Variants in EHBP1 observed in about 807,000 individuals in gnomAD.
The protein encoded by EHBP1 is EH domain binding protein 1, also known as EH domain-binding protein 1.
In EHBP1, 55 loss-of-function variants were observed where a neutral mutation model predicts 144.0. The observed-to-expected ratio is 0.38, with a 90% CI of 0.31 to 0.48. The LOEUF (loss-of-function observed/expected upper bound fraction) is 0.48, where lower values mean the gene tolerates loss of function less well. EHBP1 is among the 20% of genes least tolerant of loss of function. The pLI is 0.98. For missense variants in EHBP1, 1,200 were observed against 1,364.2 expected (o/e 0.88, Z 1.90); for synonymous variants, 469 against 472.7 (o/e 0.99, Z 0.10).
intron 2 of EHBP1, among the ~76,000 whole-genome samples, chr2:62,727,453 TAGC>T (rs1321155986): frequency 6.6e-6 from 1 of 152,170 alleles, no homozygotes; most frequent in Non-Finnish European, 1.5e-5. Flanking sequence ...CCGTACCTGT[TAGC>T]AGTCACTCCG....
intron 10 of EHBP1, among the ~76,000 whole-genome samples, chr2:62,897,830 T>C (rs949205679): frequency 3.3e-5 from 5 of 152,226 alleles, no homozygotes; most frequent in African/African-American, 1.2e-4. Flanking sequence ...TCCTGTTTCC[T>C]ATAAACTACC....
intron 5 of EHBP1, among the ~76,000 whole-genome samples, chr2:62,811,667 T>C (rs759010523): frequency 5.9e-5 from 9 of 152,138 alleles, no homozygotes; most frequent in Non-Finnish European, 1.0e-4. Flanking sequence ...CACAAACAAA[T>C]TTTATAACTG....
chr2:62,902,441 A>G (rs2053484844), intron 10 of EHBP1, among the ~76,000 whole-genome samples: 1 of 152,188 alleles, frequency 6.6e-6, no homozygotes, highest in African/African-American at 2.4e-5. Flanking sequence ...TTGTGATGAA[A>G]TTACCTTGCA....
rs1012104174 is a variant in EHBP1, at chr2:62,895,935, A to G, written c.1185+21403A>G. Reference sequence around the variant, plus strand: ...CAAAAAATATTGAGTACTGAACTGTATGCTTAACAATGGTTAAATTAGTAA... The same window carrying G: ...CAAAAAATATTGAGTACTGAACTGTGTGCTTAACAATGGTTAAATTAGTAA... On this transcript the variant is annotated intron_variant, in intron 10 of 22. Transcript: ENST00000431489. Among the ~76,000 whole-genome samples the G allele has an allele frequency of 9.9e-5, 15 of 152,196 alleles. 1 individual carries two copies. Among genetic ancestry groups the G allele is most frequent in the South Asian group, 4.1e-4 (2 of 4,832 alleles).
intron 19 of EHBP1, among the ~76,000 whole-genome samples, chr2:63,030,939 G>T (rs977943505): frequency 2.0e-5 from 3 of 151,668 alleles, no homozygotes; most frequent in East Asian, 3.9e-4. Flanking sequence ...GGGATCACAG[G>T]CATGCGCCAC....
intron 5 of EHBP1, among the ~76,000 whole-genome samples, chr2:62,781,248 C>T (rs1437263817): frequency 1.3e-5 from 2 of 151,870 alleles, no homozygotes; most frequent in African/African-American, 4.8e-5. Context: ...TAAATTGAAA[C>T]CCTAAAAAGT....
chr2:62,884,878 G>A (rs1031116349), intron 10 of EHBP1, among the ~76,000 whole-genome samples: 1 of 152,078 alleles, frequency 6.6e-6, no homozygotes, highest in Non-Finnish European at 1.5e-5. Context: ...TTCTATTTAA[G>A]GAAGCAGGAA....
At chr2:62,942,448 T>A (rs2056814586) in intron 10 of EHBP1, among the ~76,000 whole-genome samples, 1 of 152,228 alleles carries the variant, frequency 6.6e-6, no homozygotes, top group African/African-American at 2.4e-5. Flanking sequence ...TAACGTGATG[T>A]TTCCATCAGC....
intron 2 of EHBP1, among the ~76,000 whole-genome samples, chr2:62,741,320 G>A (rs1010419277): frequency 1.3e-5 from 2 of 152,150 alleles, no homozygotes; most frequent in Non-Finnish European, 2.9e-5. Flanking sequence ...AACGCCTCTC[G>A]TGATTAACAC....
chr2:63,037,960 AT>A (rs1175005712), intron 20 of EHBP1, among the ~76,000 whole-genome samples: 2 of 152,254 alleles, frequency 1.3e-5, no homozygotes, highest in Admixed American at 1.3e-4. Flanking sequence ...ATTAAAGTTT[AT>A]TTAACAACAA....
chr2:62,882,146 A>G (rs192281834), intron 10 of EHBP1, among the ~76,000 whole-genome samples: 1 of 152,264 alleles, frequency 6.6e-6, no homozygotes, highest in Non-Finnish European at 1.5e-5. Flanking sequence ...GAAATAGTTC[A>G]TTTTATTTGT....
At chr2:63,018,125 C>T (rs933180554) in intron 19 of EHBP1, among the ~76,000 whole-genome samples, 4 of 152,102 alleles carry the variant, frequency 2.6e-5, no homozygotes, top group African/African-American at 9.7e-5. Context: ...TGATTGCACT[C>T]CAGCCTGAGC....
intron 7 of EHBP1, among the ~76,000 whole-genome samples, chr2:62,834,977 A>G (rs1263594708): frequency 6.6e-6 from 1 of 152,350 alleles, no homozygotes; most frequent in Non-Finnish European, 1.5e-5. Context: ...TTTTAAAGAC[A>G]GAAAACTTCA....
intron 13 of EHBP1, among the ~76,000 whole-genome samples, chr2:62,950,014 G>A (rs992960548): frequency 6.6e-6 from 1 of 152,096 alleles, no homozygotes; most frequent in African/African-American, 2.4e-5. Context: ...TAACACTCGT[G>A]TATATATAAG....
intron 10 of EHBP1, among the ~76,000 whole-genome samples, chr2:62,915,788 C>T (rs1466030618): frequency 6.6e-6 from 1 of 152,052 alleles, no homozygotes; most frequent in African/African-American, 2.4e-5. Flanking sequence ...TATACGATAA[C>T]AACGTACTGG....
chr2:62,719,199 G>T (rs1157896954), intron 2 of EHBP1, among the ~76,000 whole-genome samples: 2 of 151,972 alleles, frequency 1.3e-5, no homozygotes, highest in Non-Finnish European at 2.9e-5. Context: ...ACACGGGTCT[G>T]AAGTGATCCA....
chr2:62,757,430 TTTTTTTTTTTTTTTTGAGG>T (rs932456131), intron 3 of EHBP1, among the ~76,000 whole-genome samples: 3 of 143,834 alleles, frequency 2.1e-5, no homozygotes. Flanking sequence ...TTTTTTCTTT[TTTTTTTTTTTTTTTTGAGG>T]CAGAGTCTTG....
intron 7 of EHBP1, among the ~76,000 whole-genome samples, chr2:62,841,593 C>G (rs2047876695): frequency 6.6e-6 from 1 of 152,176 alleles, no homozygotes; most frequent in Non-Finnish European, 1.5e-5. Context: ...CCTCCAACCC[C>G]ATTGGCTATT....
intron 1 of EHBP1, among the ~76,000 whole-genome samples, chr2:62,690,375 A>G (rs1368359672): frequency 6.6e-6 from 1 of 152,158 alleles, no homozygotes; most frequent in Non-Finnish European, 1.5e-5. Flanking sequence ...GGACCTGGCC[A>G]AGATGGTGAA....
Sources: gnomAD v4.1 joint callset for allele counts (sites outside exome capture counted in the v4.1 genomes callset) on GRCh38, gnomAD v4.1.1 for gene constraint, MANE v1.5 for transcripts, NCBI Gene and HGNC (gene_info 2026-07-23, HGNC 2026-07-21) for gene names.